Variants in CDK6 observed in about 807,000 individuals in gnomAD.
CDK6 encodes the protein cyclin-dependent kinase 6.
A neutral mutation model predicts 37.1 loss-of-function variants in CDK6; 6 were observed. The observed-to-expected ratio is 0.16, with a 90% confidence interval of 0.09 to 0.32. The LOEUF (loss-of-function observed/expected upper bound fraction) is 0.32, where lower values mean the gene tolerates loss of function less well. Among genes scored for constraint, CDK6 ranks in the 10% least tolerant of loss-of-function variants. The pLI is 1.00. For synonymous variants in CDK6, 160 were observed against 161.3 expected, an observed-to-expected ratio of 0.99 and a Z score of 0.06; for missense variants, 224 against 418.9, an observed-to-expected ratio of 0.53 and a Z score of 4.06.
chr7:92,752,318 T>C (rs540497289), intron 3 of CDK6, among the ~76,000 whole-genome samples: 3 of 152,336 alleles, frequency 2.0e-5, no homozygotes, highest in East Asian at 1.9e-4. Context: ...ATTGCAGAGG[T>C]TGAACTATTC....
chr7:92,733,175 A>T (rs1798694024), intron 3 of CDK6, among the ~76,000 whole-genome samples: 1 of 152,230 alleles, frequency 6.6e-6, no homozygotes, highest in Admixed American at 6.5e-5. Flanking sequence ...GCCTGTACCA[A>T]CATTCTTTTC....
In CDK6 at chr7:92,718,696, C is replaced by A. The variant is rs540351288; in HGVS notation, c.537+6930G>T. On this transcript the variant is annotated intron_variant, in intron 4 of 7. Coordinates refer to ENST00000424848, the MANE Select transcript of CDK6 (RefSeq NM_001145306.2). ...ATGCTGGTGACCTCTTTAAGCATCC[C>A]ACATTTTGACCTGGGTAAGGAGGGA... 5.4e-4 allele frequency among the ~76,000 whole-genome samples: 82 copies of A among 152,296 alleles called. 3 individuals carry two copies. In the South Asian group the frequency reaches 0.016, roughly 30 times the overall value.
intron 5 of CDK6, among the ~76,000 whole-genome samples, chr7:92,648,787 T>A (rs997053538): frequency 7.5e-4 from 114 of 152,328 alleles, no homozygotes; most frequent in African/African-American, 2.5e-3. Context: ...ACAAGGACCA[T>A]TTTTAATCTA....
intron 4 of CDK6, among the ~76,000 whole-genome samples, chr7:92,681,668 G>T (rs978677680): frequency 1.3e-5 from 2 of 152,230 alleles, no homozygotes; most frequent in African/African-American, 4.8e-5. Context: ...GGAGGGAGGG[G>T]TGGTGTCTGT....
chr7:92,731,044 T>C (rs1798635341), intron 3 of CDK6, among the ~76,000 whole-genome samples: 1 of 152,198 alleles, frequency 6.6e-6, no homozygotes, highest in African/African-American at 2.4e-5. Flanking sequence ...AGTGGCTTGA[T>C]TCACTCCTTG....
chr7:92,767,417 A>C (rs949621065), intron 3 of CDK6, among the ~76,000 whole-genome samples: 3 of 152,212 alleles, frequency 2.0e-5, no homozygotes, highest in African/African-American at 7.2e-5. Context: ...GGAAATTATT[A>C]GTAAGATTAC....
chr7:92,703,933 C>A (rs1797910747), intron 4 of CDK6, among the ~76,000 whole-genome samples: 1 of 152,154 alleles, frequency 6.6e-6, no homozygotes, highest in Non-Finnish European at 1.5e-5. Context: ...CTGATCTCAG[C>A]CCTGACCTCT....
chr7:92,687,970 T>C (rs532212673), intron 4 of CDK6, among the ~76,000 whole-genome samples: 3 of 152,336 alleles, frequency 2.0e-5, no homozygotes, highest in African/African-American at 7.2e-5. Context: ...GTTTTCTCCC[T>C]TTCATTGCTG....
intron 4 of CDK6, among the ~76,000 whole-genome samples, chr7:92,713,473 C>T (rs1228257156): frequency 6.6e-6 from 1 of 152,024 alleles, no homozygotes; most frequent in Non-Finnish European, 1.5e-5. Context: ...GTTTCTATTA[C>T]AACTCCATTA....
chr7:92,691,656 T>C (rs1797602477), intron 4 of CDK6, among the ~76,000 whole-genome samples: 1 of 152,182 alleles, frequency 6.6e-6, no homozygotes, highest in South Asian at 2.1e-4. Flanking sequence ...ATCCCTCAGA[T>C]TGGTAATCAG....
At position 92,834,843 on chromosome 7, in the gene CDK6, C is replaced by T. The variant is rs928985002; in HGVS notation, c.-367-1153G>A. 1.8e-4 allele frequency among the ~76,000 whole-genome samples: 28 copies of T among 152,264 alleles called. No homozygotes were observed. The highest frequency in any genetic ancestry group is 6.7e-4 in the African/African-American group (28 of 41,548). On this transcript the variant is annotated intron_variant, in intron 1 of 7. Coordinates refer to ENST00000424848, the MANE Select transcript of CDK6 (RefSeq NM_001145306.2). This position sits in a 1 kb window ranked among gnomAD's most constrained non-coding sequence, Gnocchi z 4.6. ...CCGGCTAAAGGCCCGGTCCAGTCTGCAGCCGGACGCCCCCGGAGCCCTCTG... is the reference window on the plus strand; with the variant it reads ...CCGGCTAAAGGCCCGGTCCAGTCTGTAGCCGGACGCCCCCGGAGCCCTCTG...
chr7:92,645,211 C>T (rs1055787270), intron 5 of CDK6, among the ~76,000 whole-genome samples: 1 of 152,196 alleles, frequency 6.6e-6, no homozygotes, highest in Non-Finnish European at 1.5e-5. Context: ...TATTACAGCT[C>T]CCAGGCTTTT....
At chr7:92,726,106 A>G (rs185250802) in intron 3 of CDK6, among the ~76,000 whole-genome samples, 1 of 152,252 alleles carries the variant, frequency 6.6e-6, no homozygotes, top group African/African-American at 2.4e-5. Context: ...TGCTGGGGAG[A>G]GGAAGGAGGA....
intron 2 of CDK6, among the ~76,000 whole-genome samples, chr7:92,820,455 T>G (rs1316214462): frequency 6.6e-6 from 1 of 152,116 alleles, no homozygotes; most frequent in Non-Finnish European, 1.5e-5. Flanking sequence ...AAGCCTCTGT[T>G]GCAGTACGGA....
intron 4 of CDK6, among the ~76,000 whole-genome samples, chr7:92,686,016 C>T (rs6964803): frequency 0.11 from 17,425 of 152,074 alleles, 2,116 homozygotes; most frequent in East Asian, 0.33. Context: ...TGTGGTGTTG[C>T]CCATTTCTAG....
intron 5 of CDK6, among the ~76,000 whole-genome samples, chr7:92,641,774 C>T (rs1404103879): frequency 6.6e-6 from 1 of 152,156 alleles, no homozygotes; most frequent in African/African-American, 2.4e-5. Context: ...TAGCACCTGT[C>T]TTACAAACCA....
At chr7:92,702,325 T>C (rs1165770546) in intron 4 of CDK6, among the ~76,000 whole-genome samples, 1 of 134,864 alleles carries the variant, frequency 7.4e-6, no homozygotes, top group African/African-American at 2.7e-5. Flanking sequence ...CTCTGCCTCC[T>C]GGGTTCAAGT....
Position 92,833,884 on chromosome 7 carries a change from T to C in CDK6, c.-367-194A>G, listed in dbSNP as rs1265985997. The C allele has an allele frequency of 5.0e-6, 2 of 398,790 alleles. No homozygotes were observed. The highest frequency in any genetic ancestry group is 8.8e-6 in the Non-Finnish European group (2 of 226,330). 24.7% of individuals were successfully genotyped at this position (398,790 alleles called of 1,614,324 possible). Reference sequence around the variant, plus strand: ...AAAAGCGAAGTTACTTTTCTTTCCCTGCAGGGCTGAAGCCGTCTTCGCGCG... The same window carrying C: ...AAAAGCGAAGTTACTTTTCTTTCCCCGCAGGGCTGAAGCCGTCTTCGCGCG... On this transcript the variant is annotated intron_variant, in intron 1 of 7. Coordinates refer to ENST00000424848, the MANE Select transcript of CDK6 (RefSeq NM_001145306.2). The surrounding 1 kb of genome is among the most constrained non-coding windows in gnomAD (Gnocchi z 6.1).
intron 2 of CDK6, among the ~76,000 whole-genome samples, chr7:92,780,872 A>C (rs1799974367): frequency 6.6e-6 from 1 of 152,118 alleles, no homozygotes; most frequent in Non-Finnish European, 1.5e-5. Context: ...CCTTATATTG[A>C]CCAATATTTT....
Sources: allele counts gnomAD v4.1 joint callset (sites outside exome capture counted in the v4.1 genomes callset), GRCh38; gene constraint gnomAD v4.1.1; non-coding constraint Gnocchi (gnomAD v3.1); transcripts MANE v1.5; gene names NCBI Gene and HGNC (gene_info 2026-07-23, HGNC 2026-07-21).